The following FAM72D variants were observed in gnomAD, a reference collection of about 807,000 sequenced individuals.
FAM72D encodes RUMY family member 4.
For synonymous variants in FAM72D, 4 were observed against 35.1 expected (o/e 0.11, Z 3.13); for missense variants, 9 against 104.7 (o/e 0.09, Z 3.99).
At chr1:145,105,834 C>A (rs1372424667) in intron 3 of FAM72D, among the ~76,000 whole-genome samples, 1 of 142,808 alleles carries the variant, frequency 7.0e-6, no homozygotes, top group Non-Finnish European at 1.5e-5. Flanking sequence ...TGCCTATAAT[C>A]CCAGCTACTT....
At chr1:145,104,217 A>G (rs587734282) in intron 3 of FAM72D, among the ~76,000 whole-genome samples, 1 of 147,624 alleles carries the variant, frequency 6.8e-6, no homozygotes, top group South Asian at 2.1e-4. Flanking sequence ...TCAGCAAGTC[A>G]TAATCTTTTT....
At chr1:145,107,584 G>A (rs1378318838) in intron 3 of FAM72D, among the ~76,000 whole-genome samples, 976 of 103,486 alleles carry the variant, frequency 9.4e-3, no homozygotes, top group African/African-American at 0.015. Context: ...TTTTGAGATG[G>A]AGTCATTCTG....
chr1:145,097,138 A>T, intron 1 of FAM72D, 139 bp downstream of exon 1: 1 of 1,533,066 alleles, frequency 6.5e-7, no homozygotes, highest in Admixed American at 1.7e-5. Flanking sequence ...CCCTTGTAAT[A>T]TATCTAAGTG....
rs1459002708 is a variant in FAM72D at position 145,112,376 on chromosome 1, G to A, written c.*779G>A. The A allele has an allele frequency of 2.0e-5, 3 of 151,350 alleles. No individual in the cohort carries two copies. Among genetic ancestry groups the A allele is most frequent in the African/African-American group, 4.9e-5 (2 of 41,014 alleles). 9.4% of individuals were successfully genotyped at this position (151,350 alleles called of 1,614,324 possible). A position where few individuals can be genotyped will look rare whatever the true frequency, so the allele number is the denominator to read the frequency against. Reference sequence around the variant, plus strand: ...ATCTTAAATAGAAAAAAAAACTAAAGCGATTTGCTTAAGCCATTGTACATT... The same window carrying A: ...ATCTTAAATAGAAAAAAAAACTAAAACGATTTGCTTAAGCCATTGTACATT... On this transcript the variant is annotated 3_prime_UTR_variant, in exon 4 of 4. Transcript: ENST00000400889.
chr1:145,100,495 T>C (rs187239297), intron 2 of FAM72D, among the ~76,000 whole-genome samples: 6 of 146,978 alleles, frequency 4.1e-5, no homozygotes, highest in African/African-American at 1.3e-4. Flanking sequence ...TCTTTCTTTT[T>C]TTTTTTTTTT....
chr1:145,102,153 G>A (rs2102544187), intron 2 of FAM72D, among the ~76,000 whole-genome samples: 2 of 114,416 alleles, frequency 1.7e-5, no homozygotes, highest in African/African-American at 7.6e-5. Flanking sequence ...TTTCTCTGGA[G>A]GCTGTAGATT....
chr1:145,107,517 G>A (rs1359608296), intron 3 of FAM72D, among the ~76,000 whole-genome samples: 1 of 126,162 alleles, frequency 7.9e-6, no homozygotes, highest in Non-Finnish European at 1.7e-5. Flanking sequence ...GGGATTACAT[G>A]GGATTACAGA....
At chr1:145,101,113 C>T (rs1312071553) in intron 2 of FAM72D, among the ~76,000 whole-genome samples, 70 of 141,424 alleles carry the variant, frequency 4.9e-4, no homozygotes, top group African/African-American at 1.8e-3. Context: ...AGTTAATTTT[C>T]GTATTTTTAG....
At chr1:145,100,515 G>A (rs1211284568) in intron 2 of FAM72D, among the ~76,000 whole-genome samples, 6 of 142,180 alleles carry the variant, frequency 4.2e-5, no homozygotes, top group Admixed American at 7.0e-5. Context: ...TTTTTAAGAC[G>A]GAGTTTTGCT....
chr1:145,104,155 A>G (rs1428273384), intron 3 of FAM72D, among the ~76,000 whole-genome samples: 1 of 149,528 alleles, frequency 6.7e-6, no homozygotes, highest in Non-Finnish European at 1.5e-5. Context: ...TGTCTCAAAA[A>G]AGAAAAAAAA....
intron 3 of FAM72D, among the ~76,000 whole-genome samples, chr1:145,107,189 A>T (rs180786030): frequency 1.4e-4 from 19 of 138,540 alleles, no homozygotes; most frequent in African/African-American, 3.2e-4. Context: ...CAATTCTTTT[A>T]AAAAAAAAAA....
At chr1:145,097,174 G>A (rs1654504401) in intron 1 of FAM72D, among the ~76,000 whole-genome samples, 175 bp downstream of exon 1, 1 of 144,916 alleles carries the variant, frequency 6.9e-6, no homozygotes, top group Non-Finnish European at 1.5e-5. Flanking sequence ...CAAAGTCTAT[G>A]GTTTAGCCAA....
intron 2 of FAM72D, among the ~76,000 whole-genome samples, chr1:145,102,023 C>T (rs1233570424): frequency 3.2e-5 from 4 of 125,494 alleles, no homozygotes; most frequent in African/African-American, 6.8e-5. Flanking sequence ...CTAGCTAAAA[C>T]ATTCCCTGTA....
chr1:145,107,170 G>C (rs1654959817), intron 3 of FAM72D, among the ~76,000 whole-genome samples: 1 of 144,666 alleles, frequency 6.9e-6, no homozygotes, highest in East Asian at 2.0e-4. Context: ...TAGTAAGAAA[G>C]TACACTACCA....
intron 3 of FAM72D, among the ~76,000 whole-genome samples, chr1:145,104,324 GACA>G (rs1187168339): frequency 6.9e-6 from 1 of 145,866 alleles, no homozygotes; most frequent in Non-Finnish European, 1.5e-5. Context: ...CTTAAAATAA[GACA>G]ACAATGAGGT....
At chr1:145,102,092 G>A (rs1405326857) in intron 2 of FAM72D, among the ~76,000 whole-genome samples, 2 of 133,648 alleles carry the variant, frequency 1.5e-5, no homozygotes, top group Non-Finnish European at 1.6e-5. Flanking sequence ...GAAAGACTGA[G>A]GTACTTATAA....
At chr1:145,100,742 T>C (rs1553637857) in intron 2 of FAM72D, among the ~76,000 whole-genome samples, 1 of 150,150 alleles carries the variant, frequency 6.7e-6, no homozygotes, top group East Asian at 2.0e-4. Context: ...TCCGCCTGCC[T>C]TGGCCTCCCT....
intron 2 of FAM72D, among the ~76,000 whole-genome samples, chr1:145,100,536 G>A (rs1654655026): frequency 7.1e-6 from 1 of 141,392 alleles, no homozygotes; most frequent in South Asian, 2.3e-4. Flanking sequence ...CTGTCGCCCA[G>A]GCTAGAGTGC....
chr1:145,105,616 G>A (rs1654882439), intron 3 of FAM72D, among the ~76,000 whole-genome samples: 1 of 148,648 alleles, frequency 6.7e-6, no homozygotes, highest in Admixed American at 6.7e-5. Context: ...AGTGAGCCGA[G>A]ATCGCACCAT....
Sources: allele counts gnomAD v4.1 joint callset (sites outside exome capture counted in the v4.1 genomes callset), GRCh38; gene constraint gnomAD v4.1.1; transcripts MANE v1.5; gene names NCBI Gene and HGNC (gene_info 2026-07-23, HGNC 2026-07-21).